Variants in LIMCH1 observed in about 807,000 individuals in gnomAD.
The protein encoded by LIMCH1 is LIM and calponin homology domains 1.
LIMCH1 carries 113 observed loss-of-function variants against 176.5 expected under a neutral mutation model. That is an observed-to-expected ratio of 0.64 (90% CI 0.55 to 0.75). LIMCH1 has a LOEUF of 0.75. Ranked by LOEUF, LIMCH1 falls within the 30% of genes least tolerant of loss-of-function variation. The probability of loss-of-function intolerance (pLI) is 0.00; values close to 1 mark genes in which losing one functional copy is unlikely to be tolerated. For missense variants in LIMCH1, 1,674 were observed against 1,814.9 expected (o/e 0.92, Z 1.41); for synonymous variants, 619 against 645.9 (o/e 0.96, Z 0.63).
At chr4:41,369,316 T>G (rs1361820688) in intron 1 of LIMCH1, among the ~76,000 whole-genome samples, 1 of 152,160 alleles carries the variant, frequency 6.6e-6, no homozygotes, top group African/African-American at 2.4e-5. Flanking sequence ...GGAAACCCTT[T>G]CTGACATACT....
intron 1 of LIMCH1, among the ~76,000 whole-genome samples, chr4:41,460,476 A>ATATATATATATCTATCTATCTATC (rs965621988): frequency 4.2e-5 from 6 of 142,658 alleles, no homozygotes; most frequent in African/African-American, 1.6e-4. Context: ...ATATATATAT[A>ATATATATATATCTATCTATCTATC]TATCTTATAA....
chr4:41,470,883 GACTT>G (rs1379251864), intron 1 of LIMCH1, among the ~76,000 whole-genome samples: 1 of 151,866 alleles, frequency 6.6e-6, no homozygotes. Flanking sequence ...GGGTTGAAAG[GACTT>G]ACTTGAAAAG....
intron 14 of LIMCH1, among the ~76,000 whole-genome samples, chr4:41,642,313 ATT>A (rs35211960): frequency 2.6e-4 from 39 of 150,128 alleles, no homozygotes; most frequent in South Asian, 2.3e-3. Flanking sequence ...TAAAAGTAAG[ATT>A]TTTTTTTTTT....
At chr4:41,558,340 C>A (rs181211033) in intron 1 of LIMCH1, among the ~76,000 whole-genome samples, 1 of 151,978 alleles carries the variant, frequency 6.6e-6, no homozygotes, top group Non-Finnish European at 1.5e-5. Flanking sequence ...CAAAAAGGGG[C>A]GGTGTATAGG....
intron 1 of LIMCH1, among the ~76,000 whole-genome samples, chr4:41,410,115 C>T (rs1256879905): frequency 1.3e-5 from 2 of 151,998 alleles, no homozygotes; most frequent in African/African-American, 4.8e-5. Context: ...AAAAAAAAAT[C>T]AGATTCTGAA....
chr4:41,577,335 G>A (rs999708944), intron 1 of LIMCH1, among the ~76,000 whole-genome samples: 1 of 151,930 alleles, frequency 6.6e-6, no homozygotes, highest in Non-Finnish European at 1.5e-5. Context: ...AGAAAGGGAG[G>A]AAAAATTATA....
At chr4:41,381,908 A>T (rs995630768) in intron 1 of LIMCH1, among the ~76,000 whole-genome samples, 30 of 152,168 alleles carry the variant, frequency 2.0e-4, no homozygotes, top group African/African-American at 7.2e-4. Context: ...GATGGTTAGC[A>T]TCATCCCTGG....
intron 1 of LIMCH1, among the ~76,000 whole-genome samples, chr4:41,451,900 C>T (rs1188541330): frequency 6.6e-6 from 1 of 152,092 alleles, no homozygotes; most frequent in Admixed American, 6.5e-5. Context: ...ACCTTTTTTC[C>T]AGATGTCTCC....
intron 1 of LIMCH1, among the ~76,000 whole-genome samples, chr4:41,446,909 T>G (rs953411226): frequency 6.6e-6 from 1 of 152,126 alleles, no homozygotes; most frequent in African/African-American, 2.4e-5. Flanking sequence ...GTGGAGACAT[T>G]AGAGACAAAT....
At chr4:41,560,300 C>A (rs1306776863) in intron 1 of LIMCH1, among the ~76,000 whole-genome samples, 1 of 152,116 alleles carries the variant, frequency 6.6e-6, no homozygotes, top group Non-Finnish European at 1.5e-5. Context: ...GCTCATGTGT[C>A]AAAGCACAGT....
intron 1 of LIMCH1, among the ~76,000 whole-genome samples, chr4:41,368,111 G>A (rs990105049): frequency 3.9e-5 from 6 of 152,020 alleles, no homozygotes; most frequent in African/African-American, 1.5e-4. Context: ...TATTTTAATT[G>A]AATATCTTAT....
At chr4:41,619,708 A>G in intron 6 of LIMCH1, 1 of 495,734 alleles carries the variant, frequency 2.0e-6, no homozygotes, top group Non-Finnish European at 3.6e-6. Context: ...TTCTGTTGAT[A>G]GGACATTGAG....
chr4:41,531,262 C>G (rs1006221770), intron 3 of LIMCH1, among the ~76,000 whole-genome samples: 2 of 151,916 alleles, frequency 1.3e-5, no homozygotes, highest in Non-Finnish European at 2.9e-5. Context: ...GAGGAAGTGG[C>G]CTTTTTGAAA....
At chr4:41,541,478 A>C (rs1417139051) in intron 1 of LIMCH1, among the ~76,000 whole-genome samples, 1 of 152,220 alleles carries the variant, frequency 6.6e-6, no homozygotes, top group African/African-American at 2.4e-5. Flanking sequence ...ATTCTATTTT[A>C]ATTTGGTGAA....
At position 41,366,704 on chromosome 4, in the gene LIMCH1, T is replaced by C. The variant is rs539416900; in HGVS notation, c.96+5768T>C. On this transcript the variant is annotated intron_variant, in intron 1 of 26. Transcript: ENST00000313860. ...ATAGAATATTGGAAAGACTTCTGTC[T>C]GGACATAAGATGTTATATTTCAAGG... Among the ~76,000 whole-genome samples the C allele has an allele frequency of 4.2e-3, 644 of 152,358 alleles. 2 individuals are homozygous for C. Among genetic ancestry groups the C allele is most frequent in the Non-Finnish European group, 6.7e-3 (457 of 68,030 alleles).
intron 1 of LIMCH1, among the ~76,000 whole-genome samples, chr4:41,596,872 G>GA (rs2088938780): frequency 6.6e-6 from 1 of 152,104 alleles, no homozygotes; most frequent in Admixed American, 6.5e-5. Flanking sequence ...CTTGCCTGCT[G>GA]AAAAAAGACC....
At chr4:41,612,275 A>G (rs549202988) in intron 4 of LIMCH1, 1 of 389,240 alleles carries the variant, frequency 2.6e-6, no homozygotes, top group South Asian at 5.3e-5. Context: ...CTGCAAAGGC[A>G]TTGGCTCCCG....
chr4:41,566,679 C>A (rs552596204), intron 1 of LIMCH1, among the ~76,000 whole-genome samples: 33 of 152,180 alleles, frequency 2.2e-4, no homozygotes, highest in South Asian at 8.3e-4. Context: ...TCATTCTACA[C>A]AAAATCATTA....
At chr4:41,452,024 TCTCAGGATCAAACAA>T (rs1407960709) in intron 1 of LIMCH1, among the ~76,000 whole-genome samples, 1 of 152,164 alleles carries the variant, frequency 6.6e-6, no homozygotes, top group Non-Finnish European at 1.5e-5. Context: ...CTTCTTTTCT[TCTCAGGATCAAACAA>T]CTTAGTCCCC....
Sources: gnomAD v4.1 joint callset for allele counts (sites outside exome capture counted in the v4.1 genomes callset) on GRCh38, gnomAD v4.1.1 for gene constraint, MANE v1.5 for transcripts, NCBI Gene and HGNC (gene_info 2026-07-23, HGNC 2026-07-21) for gene names.